KCNMA1: variants seen among roughly 807,000 people sequenced by gnomAD.
KCNMA1 encodes Calcium-activated potassium channel subunit alpha-1.
In KCNMA1, 29 loss-of-function variants were observed where a neutral mutation model predicts 140.0. The observed-to-expected ratio is 0.21, with a 90% CI of 0.15 to 0.28. The LOEUF (loss-of-function observed/expected upper bound fraction) is 0.28. KCNMA1 is among the 10% of genes least tolerant of loss of function. The probability of loss-of-function intolerance (pLI) is 1.00; values close to 1 mark genes in which losing one functional copy is unlikely to be tolerated. For missense variants in KCNMA1, 880 were observed against 1,602.2 expected (o/e 0.55, Z 7.70); for synonymous variants, 612 against 611.9 (o/e 1.00, Z 0.00).
At chr10:77,025,998 A>ATATAT (rs1555139543) in intron 16 of KCNMA1, among the ~76,000 whole-genome samples, 2 of 139,932 alleles carry the variant, frequency 1.4e-5, no homozygotes, top group Admixed American at 7.2e-5. Context: ...AGAAAAAAAA[A>ATATAT]ATATATATAT....
At chr10:76,940,211 C>G (rs143217333) in intron 23 of KCNMA1, among the ~76,000 whole-genome samples, 12 of 152,200 alleles carry the variant, frequency 7.9e-5, no homozygotes, top group African/African-American at 2.9e-4. Context: ...TTGTTTTTGA[C>G]AACAAGCCAT....
intron 9 of KCNMA1, among the ~76,000 whole-genome samples, chr10:77,105,138 G>T (rs905205147): frequency 2.0e-5 from 3 of 152,096 alleles, no homozygotes; most frequent in African/African-American, 7.2e-5. Context: ...ACATGAAATA[G>T]CCAACACACA....
At chr10:76,895,562 T>C (rs2042113640) in intron 25 of KCNMA1, among the ~76,000 whole-genome samples, 2 of 152,204 alleles carry the variant, frequency 1.3e-5, no homozygotes, top group African/African-American at 2.4e-5. Flanking sequence ...AATGAATGCA[T>C]GCACAAAATG....
chr10:77,026,826 A>C (rs1174542538), intron 16 of KCNMA1, among the ~76,000 whole-genome samples: 2 of 152,310 alleles, frequency 1.3e-5, no homozygotes, highest in African/African-American at 4.8e-5. Context: ...TATACACTTG[A>C]AAGTCTGGCT....
At chr10:77,288,157 C>T (rs2071710346) in intron 2 of KCNMA1, among the ~76,000 whole-genome samples, 1 of 152,220 alleles carries the variant, frequency 6.6e-6, no homozygotes, top group Non-Finnish European at 1.5e-5. Context: ...GAAGTGACTC[C>T]AGTGACTTGG....
At chr10:77,595,337 ACT>A (rs1274264833) in intron 1 of KCNMA1, among the ~76,000 whole-genome samples, 24 of 118,726 alleles carry the variant, frequency 2.0e-4, no homozygotes, top group African/African-American at 7.6e-4. Flanking sequence ...ACAGAGCAAG[ACT>A]CTGTCTCAAA....
intron 9 of KCNMA1, among the ~76,000 whole-genome samples, chr10:77,105,874 T>C (rs1311022610): frequency 6.6e-6 from 1 of 152,212 alleles, no homozygotes; most frequent in Admixed American, 6.5e-5. Context: ...TACTACCACA[T>C]GCCCATATCC....
chr10:76,991,780 C>G (rs940585372), intron 19 of KCNMA1, among the ~76,000 whole-genome samples: 7 of 152,174 alleles, frequency 4.6e-5, no homozygotes, highest in Non-Finnish European at 1.0e-4. Flanking sequence ...CCCCTGGGTC[C>G]TTTCTTGACT....
At chr10:77,633,225 G>T (rs189275495) in intron 1 of KCNMA1, among the ~76,000 whole-genome samples, 2 of 152,272 alleles carry the variant, frequency 1.3e-5, no homozygotes, top group East Asian at 3.9e-4. Context: ...TGAGGCAGGA[G>T]AATTGCTTGA....
At chr10:76,937,220 G>C (rs1265752391) in intron 23 of KCNMA1, among the ~76,000 whole-genome samples, 1 of 152,162 alleles carries the variant, frequency 6.6e-6, no homozygotes, top group East Asian at 1.9e-4. Flanking sequence ...ATTAACCATT[G>C]GCCCTGGTTT....
At chr10:77,019,329 G>A (rs2092559824) in intron 16 of KCNMA1, 2 of 540,674 alleles carry the variant, frequency 3.7e-6, no homozygotes, top group South Asian at 4.2e-5. Context: ...CCCAGTTGAG[G>A]AAATCAAAGC....
chr10:77,260,955 A>G (rs975639997), intron 2 of KCNMA1, among the ~76,000 whole-genome samples: 5 of 152,210 alleles, frequency 3.3e-5, no homozygotes, highest in African/African-American at 1.2e-4. Context: ...TCCAATAATA[A>G]GTGAATATAT....
intron 5 of KCNMA1, among the ~76,000 whole-genome samples, chr10:77,135,753 C>T (rs1215638753): frequency 2.0e-5 from 3 of 152,214 alleles, no homozygotes; most frequent in East Asian, 1.9e-4. Flanking sequence ...ACAAACATCA[C>T]GTGATCTCAC....
At chr10:77,151,435 T>C (rs2098416900) in intron 5 of KCNMA1, among the ~76,000 whole-genome samples, 1 of 147,920 alleles carries the variant, frequency 6.8e-6, no homozygotes, top group Non-Finnish European at 1.5e-5. Flanking sequence ...ACCATGTTGG[T>C]CAGGATGGTC....
In KCNMA1 at chr10:77,065,761, A is replaced by G. The variant is rs542165426; in HGVS notation, c.1749+7336T>C. Among the ~76,000 whole-genome samples the G allele has an allele frequency of 2.0e-5, 3 of 152,340 alleles. No individual in the cohort carries two copies. In the East Asian group the frequency reaches 5.8e-4, roughly 29 times the overall value. On this transcript the variant is annotated intron_variant, in intron 14 of 27. Transcript: ENST00000286628. ...ATTTAACAGGTTGTACATTTATTAC[A>G]TGCACACTTTTATTATATTTCAATA... is the stretch of plus-strand genomic sequence containing the variant.
chr10:77,586,195 A>C (rs2077230717), intron 1 of KCNMA1: 1 of 152,090 alleles, frequency 6.6e-6, no homozygotes, highest in Admixed American at 6.6e-5. Flanking sequence ...CACTGGAGAG[A>C]CTCTGTGCCA....
At chr10:77,268,228 G>A (rs536397136) in intron 2 of KCNMA1, among the ~76,000 whole-genome samples, 2 of 152,276 alleles carry the variant, frequency 1.3e-5, no homozygotes, top group Admixed American at 1.3e-4. Context: ...GCCACTCTAG[G>A]AGAGTTTCTA....
At chr10:76,912,542 G>A (rs1270092040) in intron 24 of KCNMA1, 2 of 152,198 alleles carry the variant, frequency 1.3e-5, no homozygotes, top group African/African-American at 4.8e-5. Flanking sequence ...AGAAGACAAG[G>A]GTGGTGTGAG....
intron 24 of KCNMA1, chr10:76,913,843 G>T: frequency 1.8e-6 from 1 of 552,274 alleles, no homozygotes; most frequent in Non-Finnish European, 3.2e-6. Context: ...GTGATCAAAG[G>T]TTTACTGATG....
Sources: allele counts gnomAD v4.1 joint callset (sites outside exome capture counted in the v4.1 genomes callset), GRCh38; gene constraint gnomAD v4.1.1; transcripts MANE v1.5; gene names NCBI Gene and HGNC (gene_info 2026-07-23, HGNC 2026-07-21).